Variants in DOCK3 observed in about 807,000 individuals in gnomAD.
DOCK3 encodes the protein dedicator of cytokinesis 3.
DOCK3 carries 60 observed loss-of-function variants against 265.6 expected under a neutral mutation model. That is an observed-to-expected ratio of 0.23 (90% CI 0.18 to 0.28). The LOEUF is 0.28. Ranked by LOEUF, DOCK3 falls within the 10% of genes least tolerant of loss-of-function variation. DOCK3 has a pLI of 1.00. For synonymous variants in DOCK3, 881 were observed against 938.0 expected, an observed-to-expected ratio of 0.94 and a Z score of 1.11; for missense variants, 1,981 against 2,594.3, an observed-to-expected ratio of 0.76 and a Z score of 5.14.
Position 51,341,129 on chromosome 3 carries a change from A to T in DOCK3, c.3767-108A>T, listed in dbSNP as rs1190318355. Reference sequence around the variant, plus strand: ...ATCCAGTGTCCCCGACCTGGGCTGCACATGACTTGCGCTGGCATTCTGCCC... The same window carrying T: ...ATCCAGTGTCCCCGACCTGGGCTGCTCATGACTTGCGCTGGCATTCTGCCC... On this transcript the variant is annotated intron_variant, in intron 37 of 52. Transcript: ENST00000266037. 2.2e-6 allele frequency: 3 copies of T among 1,367,902 alleles called. No individual in the cohort carries two copies. In the African/African-American group the frequency reaches 4.4e-5, roughly 20 times the overall value. 84.7% of individuals were successfully genotyped at this position (1,367,902 alleles called of 1,614,324 possible).
At chr3:51,376,497 A>C (rs1403947346) in intron 51 of DOCK3, among the ~76,000 whole-genome samples, 1 of 152,180 alleles carries the variant, frequency 6.6e-6, no homozygotes, top group Non-Finnish European at 1.5e-5. Flanking sequence ...CCGATGGAAG[A>C]AGCAGACTCA....
At chr3:50,988,857 C>T (rs1363367860) in intron 5 of DOCK3, among the ~76,000 whole-genome samples, 1 of 152,178 alleles carries the variant, frequency 6.6e-6, no homozygotes, top group East Asian at 1.9e-4. Context: ...GTGCCTCCAG[C>T]CTCCCCCAGC....
intron 5 of DOCK3, among the ~76,000 whole-genome samples, chr3:51,025,353 G>A (rs889923001): frequency 1.3e-5 from 2 of 152,108 alleles, no homozygotes; most frequent in African/African-American, 4.8e-5. Flanking sequence ...GGAGTGGGGA[G>A]TAGTGGGCAG....
chr3:50,847,403 T>C (rs2046133170), intron 3 of DOCK3, among the ~76,000 whole-genome samples: 2 of 152,226 alleles, frequency 1.3e-5, no homozygotes, highest in Admixed American at 1.3e-4. Context: ...ATGTGGTCAA[T>C]CTTGGAATAT....
intron 1 of DOCK3, among the ~76,000 whole-genome samples, chr3:50,764,650 T>A (rs1396546824): frequency 1.3e-5 from 2 of 152,052 alleles, no homozygotes; most frequent in Non-Finnish European, 2.9e-5. Flanking sequence ...TCTACAAAAT[T>A]TAAGAATTAG....
At chr3:50,805,953 G>A (rs535659945) in intron 2 of DOCK3, among the ~76,000 whole-genome samples, 1 of 152,084 alleles carries the variant, frequency 6.6e-6, no homozygotes, top group Admixed American at 6.5e-5. Flanking sequence ...AATATGTCAG[G>A]AGCTGGGGGG....
intron 4 of DOCK3, among the ~76,000 whole-genome samples, chr3:50,908,592 T>C (rs2049676182): frequency 6.6e-6 from 1 of 152,008 alleles, no homozygotes; most frequent in Non-Finnish European, 1.5e-5. Context: ...GAGACTGTCT[T>C]GATTTTAGTT....
At chr3:51,019,341 A>C (rs1289661047) in intron 5 of DOCK3, among the ~76,000 whole-genome samples, 1 of 151,950 alleles carries the variant, frequency 6.6e-6, no homozygotes, top group Non-Finnish European at 1.5e-5. Flanking sequence ...CCTCATGTTA[A>C]AAAGAAAATG....
intron 4 of DOCK3, among the ~76,000 whole-genome samples, chr3:50,905,357 T>A (rs1323731789): frequency 2.0e-5 from 3 of 152,088 alleles, no homozygotes; most frequent in Admixed American, 2.0e-4. Context: ...TTGGGCAGTA[T>A]GGCCATTTTC....
chr3:51,373,413 C>A (rs2087838924), intron 49 of DOCK3, among the ~76,000 whole-genome samples: 1 of 152,206 alleles, frequency 6.6e-6, no homozygotes, highest in Admixed American at 6.5e-5. Flanking sequence ...CCAGGTGATC[C>A]TCCTGTGAGG....
intron 6 of DOCK3, among the ~76,000 whole-genome samples, chr3:51,066,514 A>G (rs2081596736): frequency 6.6e-6 from 1 of 152,230 alleles, no homozygotes; most frequent in Admixed American, 6.5e-5. Context: ...AGAGTTCTGT[A>G]GGGAAATGAT....
intron 7 of DOCK3, 54 bp downstream of exon 7, chr3:51,075,494 T>G: frequency 7.0e-7 from 1 of 1,419,840 alleles, no homozygotes; most frequent in Non-Finnish European, 9.6e-7. Context: ...TTTTTCTCTT[T>G]TGTTTATTTT....
At chr3:51,360,435 G>A (rs2086650196) in intron 46 of DOCK3, 76 bp from the exon 47 acceptor site, 4 of 1,515,050 alleles carry the variant, frequency 2.6e-6, no homozygotes, top group Non-Finnish European at 3.6e-6. Flanking sequence ...TTGATCACCA[G>A]TCAGTTATTC....
At chr3:51,167,991 G>A (rs2086490314) in intron 12 of DOCK3, among the ~76,000 whole-genome samples, 1 of 152,200 alleles carries the variant, frequency 6.6e-6, no homozygotes, top group African/African-American at 2.4e-5. Context: ...AAAGTGATGA[G>A]AGTGGACATC....
chr3:51,334,959 G>A (rs2084766201), intron 35 of DOCK3, among the ~76,000 whole-genome samples: 1 of 152,056 alleles, frequency 6.6e-6, no homozygotes, highest in Admixed American at 6.6e-5. Context: ...GGCATCACTG[G>A]CCTTTACTCA....
Position 51,381,080 on chromosome 3 carries a change from A to G in DOCK3, c.5614A>G (p.Thr1872Ala). The G allele has an allele frequency of 6.2e-7, 1 of 1,606,536 alleles. No individual in the cohort carries two copies. Among genetic ancestry groups the G allele is most frequent in the Non-Finnish European group, 8.5e-7 (1 of 1,174,852 alleles). Residue 1872 changes from threonine (T) to alanine (A), a missense_variant, in exon 53 of 53, where the codon ACA becomes GCA. Around this residue, in one of 4 missense-constraint regions of DOCK3, gnomAD observed 1,357 missense variants for 1,866.8 expected, o/e 0.73. Transcript: ENST00000266037. The surrounding 1 kb of genome is among the most constrained non-coding windows in gnomAD (Gnocchi z 5.6). Reference sequence around the variant, plus strand: ...TCTCCACCCTATCCCAGCCTCCCCCACAAGCCCCCAGTCAGGTCTGGACGG... The same window carrying G: ...TCTCCACCCTATCCCAGCCTCCCCCGCAAGCCCCCAGTCAGGTCTGGACGG... ...SPLHPIPASP[T>A]SPQSGLDGSN...
intron 12 of DOCK3, among the ~76,000 whole-genome samples, chr3:51,168,965 G>T (rs2086541737): frequency 6.6e-6 from 1 of 152,076 alleles, no homozygotes; most frequent in Non-Finnish European, 1.5e-5. Context: ...CATACATGTG[G>T]CCAACAAGCA....
intron 12 of DOCK3, among the ~76,000 whole-genome samples, chr3:51,193,424 T>C (rs920826680): frequency 6.6e-6 from 1 of 152,210 alleles, no homozygotes; most frequent in Non-Finnish European, 1.5e-5. Flanking sequence ...AGAGTAGTGA[T>C]GATCTTGTAG....
intron 5 of DOCK3, among the ~76,000 whole-genome samples, chr3:50,944,519 C>G (rs917437029): frequency 6.6e-6 from 1 of 152,114 alleles, no homozygotes; most frequent in African/African-American, 2.4e-5. Context: ...TATATTTTTC[C>G]CTGTGCCAAG....
Sources: allele counts gnomAD v4.1 joint callset (sites outside exome capture counted in the v4.1 genomes callset), GRCh38; gene constraint gnomAD v4.1.1; regional missense constraint gnomAD v4.1.1; non-coding constraint Gnocchi (gnomAD v3.1); transcripts MANE v1.5; gene names NCBI Gene and HGNC (gene_info 2026-07-23, HGNC 2026-07-21).